The following SCAMP1 variants were observed in gnomAD, a reference collection of about 807,000 sequenced individuals.
SCAMP1 encodes the protein secretory carrier membrane protein 1, also known as secretory carrier-associated membrane protein 1.
Under a neutral mutation model 41.8 loss-of-function variants are expected in SCAMP1, and 15 were observed. That is an observed-to-expected ratio of 0.36 (90% CI 0.24 to 0.55). The LOEUF is 0.55. Among genes scored for constraint, SCAMP1 ranks in the 20% least tolerant of loss-of-function variants. SCAMP1 has a pLI of 0.86. For synonymous variants in SCAMP1, 135 were observed against 136.8 expected, an observed-to-expected ratio of 0.99 and a Z score of 0.09; for missense variants, 341 against 412.6, an observed-to-expected ratio of 0.83 and a Z score of 1.50.
At chr5:78,471,563 A>C (rs947943426) in intron 8 of SCAMP1, among the ~76,000 whole-genome samples, 4 of 152,184 alleles carry the variant, frequency 2.6e-5, no homozygotes, top group African/African-American at 9.6e-5. Context: ...CAGTTTCTTG[A>C]AATGGTATTC....
intron 7 of SCAMP1, among the ~76,000 whole-genome samples, chr5:78,453,780 A>G (rs1329138214): frequency 1.3e-5 from 2 of 152,160 alleles, no homozygotes; most frequent in Non-Finnish European, 2.9e-5. Flanking sequence ...CTTGGGCAGT[A>G]TGGCCATTTT....
At chr5:78,384,622 A>G (rs965363173) in intron 1 of SCAMP1, among the ~76,000 whole-genome samples, 3 of 152,066 alleles carry the variant, frequency 2.0e-5, no homozygotes, top group East Asian at 1.9e-4. Context: ...ACCTTAAGGT[A>G]TGTCCCTTTT....
chr5:78,363,988 T>C (rs776077937), intron 1 of SCAMP1, among the ~76,000 whole-genome samples: 4 of 152,270 alleles, frequency 2.6e-5, no homozygotes, highest in Non-Finnish European at 5.9e-5. Context: ...GAGGATCCAC[T>C]CTTGAGCTGT....
At chr5:78,461,260 TCTAGAAGAGTATTTC>T (rs1214114290) in intron 8 of SCAMP1, among the ~76,000 whole-genome samples, 2 of 152,242 alleles carry the variant, frequency 1.3e-5, no homozygotes, top group Non-Finnish European at 2.9e-5. Flanking sequence ...TAGGCCAATG[TCTAGAAGAGTATTTC>T]CTAGATTTTC....
intron 8 of SCAMP1, among the ~76,000 whole-genome samples, chr5:78,473,288 T>C (rs2112257483): frequency 6.6e-6 from 1 of 152,236 alleles, no homozygotes; most frequent in African/African-American, 2.4e-5. Context: ...ATTTTTGTCT[T>C]GTACCGTGAT....
intron 6 of SCAMP1, among the ~76,000 whole-genome samples, chr5:78,439,727 C>T (rs1048372404): frequency 3.3e-5 from 5 of 152,004 alleles, no homozygotes; most frequent in Admixed American, 2.6e-4. Flanking sequence ...ATCTGTGTGG[C>T]GTTCTCTGTA....
intron 8 of SCAMP1, among the ~76,000 whole-genome samples, chr5:78,469,913 C>CAAAAAAAA (rs1561290939): frequency 7.8e-4 from 18 of 23,194 alleles, no homozygotes; most frequent in Admixed American, 1.7e-3. Flanking sequence ...AAAAAAAAAA[C>CAAAAAAAA]AAAAAAAAAA....
rs532276455 is a variant in SCAMP1, at chr5:78,461,179, T to C, written c.852+1817T>C. Among the ~76,000 whole-genome samples, 26 of 152,272 alleles carry C rather than the reference T, an allele frequency of 1.7e-4. No homozygotes were observed. The South Asian group carries it at 5.2e-3, about 30-fold the overall frequency. On this transcript the variant is annotated intron_variant, in intron 8 of 8. Coordinates refer to ENST00000621999, the MANE Select transcript of SCAMP1 (RefSeq NM_004866.6). The stretch of plus-strand genomic sequence containing the variant: ...TGTTTCTTTTGCTATGCAGAAGCTC[T>C]TTAAGTCCCATTTGTCAATTTTTGT...
rs1753994054 is a variant in SCAMP1, at chr5:78,475,966, GGTA to G, written c.*299_*301del. 1 of 174,306 alleles carries G rather than the reference GGTA, an allele frequency of 5.7e-6. No homozygotes were observed. The highest frequency in any genetic ancestry group is 6.1e-5 in the Admixed American group (1 of 16,350). The allele number at this position is 174,306 out of a possible 1,614,324, so 10.8% of individuals were successfully genotyped here. A position where few individuals can be genotyped will look rare whatever the true frequency, so the allele number is the denominator to read the frequency against. Reference sequence around the variant, plus strand: ...TGGTGACCCACTGAAAATTAATAATGGTACTTATGATTAAAAACGCATTTAATA... The same window carrying G: ...TGGTGACCCACTGAAAATTAATAATGCTTATGATTAAAAACGCATTTAATA... On this transcript the variant is annotated 3_prime_UTR_variant, in exon 9 of 9. Transcript: ENST00000621999.
chr5:78,430,414 TC>T (rs1752590461), intron 6 of SCAMP1, among the ~76,000 whole-genome samples: 1 of 151,606 alleles, frequency 6.6e-6, no homozygotes, highest in Non-Finnish European at 1.5e-5. Flanking sequence ...ACATACACAC[TC>T]CTTCCTTCCC....
chr5:78,468,778 G>A (rs1289853415), intron 8 of SCAMP1, among the ~76,000 whole-genome samples: 1 of 152,070 alleles, frequency 6.6e-6, no homozygotes, highest in African/African-American at 2.4e-5. Context: ...GCGCTGAATT[G>A]GGTCTATGAT....
chr5:78,428,550 T>G (rs1272725387), intron 6 of SCAMP1, among the ~76,000 whole-genome samples: 1 of 152,182 alleles, frequency 6.6e-6, no homozygotes, highest in Non-Finnish European at 1.5e-5. Flanking sequence ...AGTCAGTCTT[T>G]CGACTTTCTT....
At chr5:78,420,722 A>G (rs951430918) in intron 5 of SCAMP1, among the ~76,000 whole-genome samples, 1 of 152,158 alleles carries the variant, frequency 6.6e-6, no homozygotes, top group Non-Finnish European at 1.5e-5. Flanking sequence ...AAAACAAAAA[A>G]CAAAACTCTA....
At chr5:78,461,276 C>G (rs774124063) in intron 8 of SCAMP1, among the ~76,000 whole-genome samples, 2 of 152,108 alleles carry the variant, frequency 1.3e-5, no homozygotes, top group Admixed American at 6.5e-5. Context: ...AGAGTATTTC[C>G]TAGATTTTCT....
intron 6 of SCAMP1, among the ~76,000 whole-genome samples, chr5:78,424,525 T>C (rs771651921): frequency 3.9e-5 from 6 of 152,032 alleles, no homozygotes; most frequent in Admixed American, 6.6e-5. Context: ...AGGTCAGGCG[T>C]TTGAGAACAG....
At position 78,478,755 on chromosome 5, in the gene SCAMP1, G is replaced by C. The variant is rs375261233; in HGVS notation, c.*3087G>C. On this transcript the variant is annotated 3_prime_UTR_variant, in exon 9 of 9. Coordinates refer to ENST00000621999, the MANE Select transcript of SCAMP1 (RefSeq NM_004866.6). ...TGGATTTTTCACTTGGTTAGCTAAA[G>C]AAGATGTAAAAATATCTAAAATAAT... 5.9e-5 allele frequency: 9 copies of C among 152,108 alleles called. No individual in the cohort carries two copies. The East Asian group carries it at 1.3e-3, about 23-fold the overall frequency. 9.4% of individuals were successfully genotyped at this position (152,108 alleles called of 1,614,324 possible). A position where few individuals can be genotyped will look rare whatever the true frequency, so the allele number is the denominator to read the frequency against.
chr5:78,427,820 C>T (rs544076676), intron 6 of SCAMP1, among the ~76,000 whole-genome samples: 33 of 151,946 alleles, frequency 2.2e-4, no homozygotes, highest in Non-Finnish European at 4.3e-4. Flanking sequence ...GCTTATTAGA[C>T]GTGTGTCTTT....
At chr5:78,414,170 G>A (rs745607741) in intron 2 of SCAMP1, among the ~76,000 whole-genome samples, 23 of 151,942 alleles carry the variant, frequency 1.5e-4, no homozygotes, top group Non-Finnish European at 2.5e-4. Context: ...TCAGGTGGCC[G>A]AGACTTCCCA....
Position 78,380,672 on chromosome 5 carries a change from G to A in SCAMP1, c.58-8165G>A, listed in dbSNP as rs189743840. Among the ~76,000 whole-genome samples, 6 of 152,162 alleles carry A rather than the reference G, an allele frequency of 3.9e-5. 1 individual carries two copies. The highest frequency in any genetic ancestry group is 1.4e-4 in the African/African-American group (6 of 41,494). ...ACTCTTTGGGTATTTCCCCACAGAG[G>A]TGGTAATAATACTCGTTGAAGAAAC... On this transcript the variant is annotated intron_variant, in intron 1 of 8. Coordinates refer to ENST00000621999, the MANE Select transcript of SCAMP1 (RefSeq NM_004866.6).
Sources: allele counts gnomAD v4.1 joint callset (sites outside exome capture counted in the v4.1 genomes callset), GRCh38; gene constraint gnomAD v4.1.1; transcripts MANE v1.5; gene names NCBI Gene and HGNC (gene_info 2026-07-23, HGNC 2026-07-21).